The following CORO2B variants were observed in gnomAD, a reference collection of about 807,000 sequenced individuals.
The protein encoded by CORO2B is coronin-2B.
In CORO2B, 26 loss-of-function variants were observed where a neutral mutation model predicts 58.8. The ratio of observed to expected loss-of-function variants is 0.44; its 90% CI spans 0.32 to 0.61. CORO2B has a LOEUF of 0.61. Among genes scored for constraint, CORO2B ranks in the 20% least tolerant of loss-of-function variants. The pLI is 0.04. For missense variants in CORO2B, 460 were observed against 645.1 expected (o/e 0.71, Z 3.11); for synonymous variants, 242 against 253.8 (o/e 0.95, Z 0.44).
rs552057689 is a variant in CORO2B, at chr15:68,712,367, T to C, written c.648+661T>C. 1.1e-4 allele frequency among the ~76,000 whole-genome samples: 16 copies of C among 152,272 alleles called. No homozygotes were observed. In the South Asian group the frequency reaches 2.1e-3, roughly 20 times the overall value. ...ATTACAAGACCAGAAAGTTTTCTAG[T>C]ACTATAGGTTGAGCATCCCAAATCC... On this transcript the variant is annotated intron_variant, in intron 5 of 11. Coordinates refer to ENST00000261861, the MANE Select transcript of CORO2B (RefSeq NM_006091.5).
At chr15:68,685,513 A>T (rs1211427428) in intron 2 of CORO2B, among the ~76,000 whole-genome samples, 1 of 152,056 alleles carries the variant, frequency 6.6e-6, no homozygotes, top group Non-Finnish European at 1.5e-5. Context: ...TGCCCAGCTG[A>T]TAATGTTTTG....
chr15:68,580,298 C>T (rs1330001697), intron 1 of CORO2B, among the ~76,000 whole-genome samples: 1 of 152,266 alleles, frequency 6.6e-6, no homozygotes, highest in Non-Finnish European at 1.5e-5. Context: ...AGACTCCACC[C>T]TTTCCAGCTG....
intron 2 of CORO2B, among the ~76,000 whole-genome samples, chr15:68,663,724 G>T (rs1050971399): frequency 1.3e-5 from 2 of 151,950 alleles, no homozygotes; most frequent in Non-Finnish European, 2.9e-5. Context: ...ATTTAAAAAT[G>T]AGAAAAAAAA....
At chr15:68,650,356 TAAAAAAAAAAAAAA>T (rs532431600) in intron 2 of CORO2B, among the ~76,000 whole-genome samples, 32 of 86,020 alleles carry the variant, frequency 3.7e-4, no homozygotes, top group African/African-American at 1.4e-3. Flanking sequence ...AAACTCTGTC[TAAAAAAAAAAAAAA>T]AAAAAAAAAA....
intron 1 of CORO2B, among the ~76,000 whole-genome samples, chr15:68,633,832 T>C (rs996638817): frequency 3.3e-5 from 5 of 152,176 alleles, no homozygotes; most frequent in Non-Finnish European, 4.4e-5. Flanking sequence ...ATAGATTATC[T>C]CTTGGGAAGG....
chr15:68,619,574 A>G (rs1900459501), intron 1 of CORO2B, among the ~76,000 whole-genome samples: 1 of 152,146 alleles, frequency 6.6e-6, no homozygotes, highest in African/African-American at 2.4e-5. Flanking sequence ...CTGCTTCTCA[A>G]AAATGGACAT....
At chr15:68,587,575 A>G (rs1377193734) in intron 1 of CORO2B, among the ~76,000 whole-genome samples, 2 of 152,238 alleles carry the variant, frequency 1.3e-5, no homozygotes, top group Non-Finnish European at 2.9e-5. Flanking sequence ...GTCAGTTCTC[A>G]GCCTTTCACC....
the CORO2B span, among the ~76,000 whole-genome samples, chr15:68,564,018 C>G: frequency 7.7e-3 from 1,176 of 152,216 alleles, 3 homozygotes; most frequent in Non-Finnish European, 0.011. Flanking sequence ...TCTATAAACC[C>G]AGCACTACCC....
chr15:68,545,850 A>G, the CORO2B span, among the ~76,000 whole-genome samples: 1 of 152,192 alleles, frequency 6.6e-6, no homozygotes, highest in South Asian at 2.1e-4. Flanking sequence ...CTCAGCCTCA[A>G]AGGTGTGGCT....
chr15:68,519,130 G>A, the CORO2B span, among the ~76,000 whole-genome samples: 1 of 152,170 alleles, frequency 6.6e-6, no homozygotes, highest in South Asian at 2.1e-4. Flanking sequence ...AGCTGCAGCT[G>A]CTCCACACCC....
At chr15:68,565,593 A>G in the CORO2B span, among the ~76,000 whole-genome samples, 1 of 152,048 alleles carries the variant, frequency 6.6e-6, no homozygotes, top group African/African-American at 2.4e-5. Context: ...TTCTTTTCCA[A>G]CATTTGTTTT....
At chr15:68,555,495 G>T in the CORO2B span, among the ~76,000 whole-genome samples, 5 of 152,188 alleles carry the variant, frequency 3.3e-5, no homozygotes, top group African/African-American at 9.7e-5. Context: ...GGCTGGGCAG[G>T]GGGGAGAGAA....
At chr15:68,725,656 A>G (rs1893276459) in intron 11 of CORO2B, among the ~76,000 whole-genome samples, 187 bp from the exon 12 acceptor site, 1 of 152,044 alleles carries the variant, frequency 6.6e-6, no homozygotes, top group Non-Finnish European at 1.5e-5. Context: ...AGTAAGAGCC[A>G]TGGGCTGAGC....
intron 1 of CORO2B, among the ~76,000 whole-genome samples, chr15:68,617,160 C>T (rs577813907): frequency 3.9e-4 from 57 of 144,434 alleles, no homozygotes; most frequent in African/African-American, 1.3e-3. Flanking sequence ...CATTGGCTTT[C>T]GTGGGCTCCA....
intron 1 of CORO2B, among the ~76,000 whole-genome samples, chr15:68,599,616 C>T (rs1899925444): frequency 6.6e-6 from 1 of 152,104 alleles, no homozygotes; most frequent in Non-Finnish European, 1.5e-5. Context: ...CCCCACGCTG[C>T]CCAGACAGAT....
At chr15:68,658,325 T>A (rs1901891900) in intron 2 of CORO2B, among the ~76,000 whole-genome samples, 1 of 152,228 alleles carries the variant, frequency 6.6e-6, no homozygotes, top group African/African-American at 2.4e-5. Context: ...AGATGCATGG[T>A]GCTCTCCAAA....
At chr15:68,717,041 A>G (rs895620996) in intron 8 of CORO2B, among the ~76,000 whole-genome samples, 1 of 152,110 alleles carries the variant, frequency 6.6e-6, no homozygotes, top group Non-Finnish European at 1.5e-5. Context: ...TGGTGGCTCA[A>G]GCCTGTAATC....
intron 2 of CORO2B, among the ~76,000 whole-genome samples, chr15:68,651,545 C>A (rs1307569857): frequency 6.6e-6 from 1 of 152,190 alleles, no homozygotes; most frequent in Non-Finnish European, 1.5e-5. Context: ...TTGGTGACTG[C>A]AAATCATCAC....
chr15:68,625,284 C>T (rs1431384509), intron 1 of CORO2B, among the ~76,000 whole-genome samples: 1 of 150,718 alleles, frequency 6.6e-6, no homozygotes, highest in Admixed American at 6.6e-5. Flanking sequence ...TTTTTTTTAA[C>T]TCGGGTTCTT....
Sources: allele counts gnomAD v4.1 joint callset (sites outside exome capture counted in the v4.1 genomes callset), GRCh38; gene constraint gnomAD v4.1.1; transcripts MANE v1.5; gene names NCBI Gene and HGNC (gene_info 2026-07-23, HGNC 2026-07-21).